SLX4: variants seen among roughly 807,000 people sequenced by gnomAD.
SLX4 encodes the protein structure-specific endonuclease subunit SLX4.
SLX4 carries 112 observed loss-of-function variants against 146.2 expected under a neutral mutation model. The ratio of observed to expected loss-of-function variants is 0.77; its 90% CI spans 0.66 to 0.90. The LOEUF (loss-of-function observed/expected upper bound fraction) is 0.90. Ranked by LOEUF, SLX4 falls within the 40% of genes least tolerant of loss-of-function variation. The pLI is 0.00. For synonymous variants in SLX4, 1,061 were observed against 997.7 expected (o/e 1.06, Z -1.20); for missense variants, 2,563 against 2,392.7 (o/e 1.07, Z -1.49).
chr16:3,588,775 C>T (rs1034045275), intron 12 of SLX4, among the ~76,000 whole-genome samples: 7 of 152,124 alleles, frequency 4.6e-5, no homozygotes, highest in Non-Finnish European at 8.8e-5. Flanking sequence ...GCACTGGAGC[C>T]AGGCAAGTTT....
Position 3,583,429 on chromosome 16 carries a change from G to C in SLX4, c.4821C>G (p.Asp1607Glu), listed in dbSNP as rs2040467135. The change falls in exon 14 of 15, where the codon GAC becomes GAG. Residue 1607 changes from aspartate (D) to glutamate (E), a missense_variant. Asp to Glu is a conservative substitution (Grantham distance 45, BLOSUM62 2). Coordinates refer to ENST00000294008, the MANE Select transcript of SLX4 (RefSeq NM_032444.4). ...ACTGGCTCTCGTCCTCGGAGTCTGA[G>C]TCCAGGGTCTGGTGAGTGTACTGGA... is the stretch of plus-strand genomic sequence containing the variant. ...EIFQYTHQTL[D>E]SDSEDESQSS... 6.2e-7 allele frequency: 1 copy of C among 1,614,134 alleles called. No individual in the cohort carries two copies.
At chr16:3,610,889 A>C (rs1453703628) in intron 1 of SLX4, among the ~76,000 whole-genome samples, 2 of 152,238 alleles carry the variant, frequency 1.3e-5, no homozygotes, top group Admixed American at 1.3e-4. Flanking sequence ...TTGGCTCACA[A>C]GGGCCTGGAA....
At position 3,596,311 on chromosome 16, in the gene SLX4, C is replaced by G. The variant is rs775596938; in HGVS notation, c.1766G>C (p.Gly589Ala). ...LSERRSPALH[G>A]TPTAGCGSRG... is the part of the protein sequence containing the mutation. ...GGAGCCACAGCCTGCAGTGGGGGTGCCGTGGAGAGCGGGTGACCTTCGCTC... is the reference window on the plus strand; with the variant it reads ...GGAGCCACAGCCTGCAGTGGGGGTGGCGTGGAGAGCGGGTGACCTTCGCTC... The change falls in exon 8 of 15, where the codon GGC (glycine) becomes GCC (alanine). Residue 589 changes from glycine (G) to alanine (A), a missense_variant. Coordinates refer to ENST00000294008, the MANE Select transcript of SLX4 (RefSeq NM_032444.4). 6.3e-7 allele frequency: 1 copy of G among 1,577,460 alleles called. No homozygotes were observed. Among genetic ancestry groups the G allele is most frequent in the African/African-American group, 1.3e-5 (1 of 74,338 alleles).
In SLX4 at chr16:3,584,768, C is replaced by T; in HGVS notation, c.4739+1G>A. On this transcript the variant is annotated splice_donor_variant, in intron 13 of 14. Coordinates refer to ENST00000294008, the MANE Select transcript of SLX4 (RefSeq NM_032444.4). LOFTEE classifies it high-confidence loss of function. ...GGCAACAAGCTTTGAAGACCGCCAA[C>T]CTATCCAGTTCCTTCTTCAGCACCG... 1.2e-6 allele frequency: 2 copies of T among 1,611,646 alleles called. No individual in the cohort carries two copies. Among genetic ancestry groups the T allele is most frequent in the Non-Finnish European group, 1.7e-6 (2 of 1,177,756 alleles).
chr16:3,593,602 G>T (rs933908195), intron 10 of SLX4, among the ~76,000 whole-genome samples: 1 of 152,156 alleles, frequency 6.6e-6, no homozygotes, highest in Admixed American at 6.5e-5. Flanking sequence ...TTACAGGTGA[G>T]GCCTAACACT....
rs142040192 is a variant in SLX4 at position 3,589,698 on chromosome 16, G to A, written c.3940C>T (p.Gln1314Ter). ...VAQKFSVIRP[Q>*]TPPPQTPSSC... ...GACGGTGTCTGGGGCGGTGGTGTCTGGGGCCTGATGACAGAAAACTTCTGT... is the reference window on the plus strand; with the variant it reads ...GACGGTGTCTGGGGCGGTGGTGTCTAGGGCCTGATGACAGAAAACTTCTGT... The change falls in exon 12 of 15, where the codon CAG (glutamine) becomes TAG (stop). Residue 1314 changes from glutamine (Q) to a stop codon, truncating the protein, a stop_gained. Coordinates refer to ENST00000294008, the MANE Select transcript of SLX4 (RefSeq NM_032444.4). LOFTEE classifies it high-confidence loss of function. This position sits in a 1 kb window ranked among gnomAD's most constrained non-coding sequence, Gnocchi z 6.2. 2 of 1,613,880 alleles carry A rather than the reference G, an allele frequency of 1.2e-6. No individual in the cohort carries two copies. The highest frequency in any genetic ancestry group is 1.7e-6 in the Non-Finnish European group (2 of 1,180,038).
chr16:3,583,913 C>T lies in SLX4; in HGVS notation c.4740-403G>A, dbSNP rs1051246475. Among the ~76,000 whole-genome samples, 8 of 151,944 alleles carry T rather than the reference C, an allele frequency of 5.3e-5. 1 individual carries two copies. The South Asian group carries it at 8.3e-4, about 16-fold the overall frequency. On this transcript the variant is annotated intron_variant, in intron 13 of 14. Coordinates refer to ENST00000294008, the MANE Select transcript of SLX4 (RefSeq NM_032444.4). ...GCTACTAGGGAGGATGAGGTAGGAT[C>T]GCTTAAGCCCGGGAGGCTGAGGCTA...
At chr16:3,594,942 G>A (rs1474136360) in intron 9 of SLX4, among the ~76,000 whole-genome samples, 1 of 152,206 alleles carries the variant, frequency 6.6e-6, no homozygotes, top group Non-Finnish European at 1.5e-5. Context: ...GCTTTGAGGA[G>A]GTGCACCCAT....
rs78541095 is a variant in SLX4 at position 3,590,200 on chromosome 16, G to A, written c.3438C>T (p.Asn1146=). 3.7e-5 allele frequency: 60 copies of A among 1,614,122 alleles called. No individual in the cohort carries two copies. The highest frequency in any genetic ancestry group is 2.0e-4 in the African/African-American group (15 of 75,022). The change falls in exon 12 of 15, where the codon AAC becomes AAT. Residue 1146 remains asparagine (N), a synonymous_variant. Coordinates refer to ENST00000294008, the MANE Select transcript of SLX4 (RefSeq NM_032444.4). The surrounding 1 kb of genome is among the most constrained non-coding windows in gnomAD (Gnocchi z 4.8). ...SRSQKSSSKL[N]EEDEVILLLD... is the part of the protein sequence containing the mutation. ...GTAAGAGGATGACCTCATCTTCTTC[G>A]TTCAGTTTGGATGAAGATTTCTGAG...
At position 3,589,058 on chromosome 16, in the gene SLX4, G is replaced by A. The variant is rs149362820; in HGVS notation, c.4580C>T (p.Pro1527Leu). Reference sequence around the variant, plus strand: ...TCCACCAGCGCTTGGCATCTGGGCCGGAGGAGGGGTCTCTGGAGGCCTCTG... The same window carrying A: ...TCCACCAGCGCTTGGCATCTGGGCCAGAGGAGGGGTCTCTGGAGGCCTCTG... ...EEQRPPETPPPAQMPSAGGAQ... is the reference protein window; with the variant it reads ...EEQRPPETPPLAQMPSAGGAQ... The change falls in exon 12 of 15, where the codon CCG (proline) becomes CTG (leucine). Residue 1527 changes from proline (P) to leucine (L), a missense_variant. Coordinates refer to ENST00000294008, the MANE Select transcript of SLX4 (RefSeq NM_032444.4). This position sits in a 1 kb window ranked among gnomAD's most constrained non-coding sequence, Gnocchi z 6.2. 4.8e-5 allele frequency: 77 copies of A among 1,614,054 alleles called. No homozygotes were observed. In the African/African-American group the frequency reaches 5.5e-4, roughly 11 times the overall value.
intron 1 of SLX4, among the ~76,000 whole-genome samples, 188 bp downstream of exon 1, chr16:3,611,372 G>A (rs1412316916): frequency 6.6e-6 from 1 of 152,194 alleles, no homozygotes; most frequent in Admixed American, 6.5e-5. Context: ...GGCGGGCCCC[G>A]GCCCCTCTCC....
At chr16:3,606,062 C>T (rs1243039396) in intron 3 of SLX4, among the ~76,000 whole-genome samples, 1 of 151,580 alleles carries the variant, frequency 6.6e-6, no homozygotes, top group Non-Finnish European at 1.5e-5. Context: ...GAGTTCGAGA[C>T]CAGCCTGGCC....
At chr16:3,594,685 C>T (rs993438629) in intron 9 of SLX4, 86 bp from the exon 10 acceptor site, 54 of 1,586,794 alleles carry the variant, frequency 3.4e-5, no homozygotes, top group African/African-American at 5.4e-5. Flanking sequence ...ATGGAGGTGG[C>T]GCTAGGGTGG....
chr16:3,587,948 AG>A (rs1237100439), intron 12 of SLX4, among the ~76,000 whole-genome samples: 1 of 152,080 alleles, frequency 6.6e-6, no homozygotes, highest in African/African-American at 2.4e-5. Context: ...AGCAGCACCG[AG>A]GGGGCCGACA....
Position 3,596,265 on chromosome 16 carries a change from G to A in SLX4, c.1812C>T (p.Ala604=). 2 of 1,562,524 alleles carry A rather than the reference G, an allele frequency of 1.3e-6. No homozygotes were observed. Among genetic ancestry groups the A allele is most frequent in the Non-Finnish European group, 1.7e-6 (2 of 1,154,914 alleles). ...GCAGGGCCTGGTGCTCCCTCTGGCT[G>A]GCCGAAGGCGACGGGCCCCTGGAGC... ...GCGSRGPSPS[A]SQREHQALQD... The change falls in exon 8 of 15, where the codon GCC becomes GCT. Residue 604 remains alanine, a synonymous_variant. Transcript: ENST00000294008.
chr16:3,609,219 C>T lies in SLX4; in HGVS notation c.-255G>A. On this transcript the variant is annotated 5_prime_UTR_variant, in exon 2 of 15. Transcript: ENST00000294008. Reference sequence around the variant, plus strand: ...GTCAGAAGTTCGAGACCAGCCTGGCCAATATGGTGAAACCTCGTTTCAACT... The same window carrying T: ...GTCAGAAGTTCGAGACCAGCCTGGCTAATATGGTGAAACCTCGTTTCAACT... The T allele has an allele frequency of 4.7e-6, 2 of 424,970 alleles. No individual in the cohort carries two copies. The highest frequency in any genetic ancestry group is 4.4e-6 in the Non-Finnish European group (1 of 228,248). 26.3% of individuals were successfully genotyped at this position (424,970 alleles called of 1,614,324 possible).
At chr16:3,587,788 A>G (rs1315450939) in intron 12 of SLX4, among the ~76,000 whole-genome samples, 1 of 152,208 alleles carries the variant, frequency 6.6e-6, no homozygotes, top group African/African-American at 2.4e-5. Flanking sequence ...GGCCGAGGAC[A>G]CTATCAGTGG....
chr16:3,609,234 T>G lies in SLX4; in HGVS notation c.-270A>C, dbSNP rs2040822198. ...CCAGCCTGGCCAATATGGTGAAACC[T>G]CGTTTCAACTGAAAATACAAAAAAT... On this transcript the variant is annotated 5_prime_UTR_variant, in exon 2 of 15. Transcript: ENST00000294008. 2 of 383,982 alleles carry G rather than the reference T, an allele frequency of 5.2e-6. No homozygotes were observed. Among genetic ancestry groups the G allele is most frequent in the Non-Finnish European group, 9.8e-6 (2 of 203,208 alleles). The allele number at this position is 383,982 out of a possible 1,614,324, so 23.8% of individuals were successfully genotyped here.
At chr16:3,607,795 C>A (rs1396609004) in intron 2 of SLX4, among the ~76,000 whole-genome samples, 1 of 152,254 alleles carries the variant, frequency 6.6e-6, no homozygotes, top group Non-Finnish European at 1.5e-5. Flanking sequence ...TGAGCCCACA[C>A]AGAGTCCTCA....
Sources: allele counts gnomAD v4.1 joint callset (sites outside exome capture counted in the v4.1 genomes callset), GRCh38; gene constraint gnomAD v4.1.1; non-coding constraint Gnocchi (gnomAD v3.1); transcripts MANE v1.5; gene names NCBI Gene and HGNC (gene_info 2026-07-23, HGNC 2026-07-21).